Variants in SKAP1 observed in about 807,000 individuals in gnomAD.
SKAP1 encodes the protein src kinase-associated phosphoprotein 1.
A neutral mutation model predicts 58.5 loss-of-function variants in SKAP1; 44 were observed. The ratio of observed to expected loss-of-function variants is 0.75; its 90% CI spans 0.59 to 0.97. The LOEUF is 0.97. SKAP1 is among the 50% of genes least tolerant of loss of function. The pLI, the probability that SKAP1 is intolerant of heterozygous loss-of-function variation, is 0.00. For synonymous variants in SKAP1, 127 were observed against 149.7 expected (o/e 0.85, Z 1.11); for missense variants, 390 against 435.2 (o/e 0.90, Z 0.92).
chr17:48,274,610 C>T (rs1055044022), intron 4 of SKAP1, among the ~76,000 whole-genome samples: 2 of 152,102 alleles, frequency 1.3e-5, no homozygotes, highest in African/African-American at 4.8e-5. Flanking sequence ...GCAGAAGAAT[C>T]GCTTGAACCC....
chr17:48,426,028 T>A (rs557043870), intron 1 of SKAP1, among the ~76,000 whole-genome samples: 3 of 152,226 alleles, frequency 2.0e-5, no homozygotes, highest in African/African-American at 7.2e-5. Flanking sequence ...AAAAACCTGA[T>A]CACAAATATT....
chr17:48,226,147 C>T (rs2065066103), intron 4 of SKAP1, among the ~76,000 whole-genome samples: 1 of 152,146 alleles, frequency 6.6e-6, no homozygotes, highest in Admixed American at 6.5e-5. Flanking sequence ...AGGATGTTCC[C>T]CTACTGTCCC....
chr17:48,413,523 A>AAAAAAAAAAAAAAAAAAAAAAAT, intron 1 of SKAP1, among the ~76,000 whole-genome samples: 1 of 105,510 alleles, frequency 9.5e-6, no homozygotes, highest in African/African-American at 4.3e-5. Context: ...TCAAAAAAAA[A>AAAAAAAAAAAAAAAAAAAAAAAT]ATATATATAT....
At position 48,189,462 on chromosome 17, in the gene SKAP1, T is replaced by C; in HGVS notation, c.319A>G (p.Asn107Asp). The C allele has an allele frequency of 6.2e-7, 1 of 1,613,646 alleles. No homozygotes were observed. The highest frequency in any genetic ancestry group is 8.5e-7 in the Non-Finnish European group (1 of 1,179,832). The change falls in exon 5 of 13, where the codon AAC becomes GAC. Residue 107 changes from asparagine to aspartate, a missense_variant. Coordinates refer to ENST00000336915, the MANE Select transcript of SKAP1 (RefSeq NM_003726.4). ...TCCAAGTATCCTTGCTTGATTACGT[T>C]ATCAAGTTCTTGAGCTCCTTTTACG... ...DIVKGAQELD[N>D]VIKQGYLEKK...
At chr17:48,383,667 C>G (rs558452053) in intron 2 of SKAP1, among the ~76,000 whole-genome samples, 2 of 151,992 alleles carry the variant, frequency 1.3e-5, no homozygotes, top group South Asian at 4.2e-4. Context: ...GTCCCAACTC[C>G]TTTCCCACCT....
At chr17:48,310,334 T>G (rs2144173806) in intron 4 of SKAP1, among the ~76,000 whole-genome samples, 1 of 152,322 alleles carries the variant, frequency 6.6e-6, no homozygotes, top group East Asian at 1.9e-4. Flanking sequence ...TGTTAGACCC[T>G]GAAGTCAGAG....
At chr17:48,219,172 G>A (rs1034440240) in intron 4 of SKAP1, among the ~76,000 whole-genome samples, 2 of 152,092 alleles carry the variant, frequency 1.3e-5, no homozygotes, top group African/African-American at 4.8e-5. Context: ...AGGTTACTTG[G>A]GCAGAATTTT....
intron 11 of SKAP1, among the ~76,000 whole-genome samples, chr17:48,142,793 C>A (rs1316150000): frequency 6.6e-6 from 1 of 152,022 alleles, no homozygotes; most frequent in African/African-American, 2.4e-5. Flanking sequence ...CCTCTTCCTA[C>A]ACCACACCTT....
At chr17:48,290,714 G>A (rs2065888646) in intron 4 of SKAP1, among the ~76,000 whole-genome samples, 1 of 151,510 alleles carries the variant, frequency 6.6e-6, no homozygotes, top group South Asian at 2.1e-4. Context: ...GCCTAGAACA[G>A]TACCTGGCAC....
chr17:48,157,891 G>C (rs924133401), intron 11 of SKAP1, among the ~76,000 whole-genome samples: 2 of 149,474 alleles, frequency 1.3e-5, no homozygotes, highest in African/African-American at 2.5e-5. Flanking sequence ...TTTTTGAAAA[G>C]GGATAGCCGG....
At chr17:48,407,419 AAG>A (rs2067601202) in intron 1 of SKAP1, among the ~76,000 whole-genome samples, 1 of 152,210 alleles carries the variant, frequency 6.6e-6, no homozygotes, top group Non-Finnish European at 1.5e-5. Context: ...AAGAAAGAAA[AAG>A]AGTGGGAAAT....
chr17:48,193,080 C>T (rs765830623), intron 4 of SKAP1, among the ~76,000 whole-genome samples: 1 of 152,122 alleles, frequency 6.6e-6, no homozygotes, highest in Non-Finnish European at 1.5e-5. Flanking sequence ...TCACTCTTGT[C>T]GCCCAGGCTG....
chr17:48,348,340 CAAA>C (rs565006476), intron 3 of SKAP1, among the ~76,000 whole-genome samples: 9 of 75,202 alleles, frequency 1.2e-4, no homozygotes, highest in Admixed American at 3.0e-4. Context: ...AGCCCTGCCT[CAAA>C]AAAAAAAAAA....
At chr17:48,175,791 G>A (rs1363271263) in intron 9 of SKAP1, among the ~76,000 whole-genome samples, 1 of 152,226 alleles carries the variant, frequency 6.6e-6, no homozygotes, top group African/African-American at 2.4e-5. Flanking sequence ...CACAGGCTGA[G>A]ATCAGGGGGA....
chr17:48,346,399 G>A (rs531299497), intron 3 of SKAP1, among the ~76,000 whole-genome samples: 8 of 152,198 alleles, frequency 5.3e-5, no homozygotes, highest in East Asian at 3.9e-4. Context: ...CCAGGCAGGC[G>A]GATCACCTGA....
At chr17:48,399,327 T>C (rs1371505550) in intron 1 of SKAP1, among the ~76,000 whole-genome samples, 2 of 152,160 alleles carry the variant, frequency 1.3e-5, no homozygotes, top group African/African-American at 4.8e-5. Flanking sequence ...CATGATCATC[T>C]CACTAGACAC....
At chr17:48,208,210 T>C (rs1242928166) in intron 4 of SKAP1, among the ~76,000 whole-genome samples, 2 of 152,150 alleles carry the variant, frequency 1.3e-5, no homozygotes, top group Non-Finnish European at 2.9e-5. Flanking sequence ...TATGAAGATA[T>C]ATGGGCGTTA....
chr17:48,417,617 T>A (rs1343927477), intron 1 of SKAP1, among the ~76,000 whole-genome samples: 1 of 151,952 alleles, frequency 6.6e-6, no homozygotes, highest in Non-Finnish European at 1.5e-5. Context: ...TGGTGGCACA[T>A]GCCTGTAATC....
intron 4 of SKAP1, chr17:48,231,933 T>G (rs1567830595): frequency 6.6e-6 from 1 of 152,246 alleles, no homozygotes; most frequent in Non-Finnish European, 1.5e-5. Context: ...CACACGTTAC[T>G]GATACATATT....
Sources: gnomAD v4.1 joint callset for allele counts (sites outside exome capture counted in the v4.1 genomes callset) on GRCh38, gnomAD v4.1.1 for gene constraint, MANE v1.5 for transcripts, NCBI Gene and HGNC (gene_info 2026-07-23, HGNC 2026-07-21) for gene names.